Variants in RAB28 observed in about 807,000 individuals in gnomAD.
RAB28 encodes the protein RAB28, member RAS oncogene family, also known as ras-related protein Rab-28.
A neutral mutation model predicts 31.7 loss-of-function variants in RAB28; 24 were observed. That is an observed-to-expected ratio of 0.76 (90% CI 0.55 to 1.06). RAB28 has a LOEUF of 1.06. Among genes scored for constraint, RAB28 ranks in the 50% least tolerant of loss-of-function variants. The pLI, the probability that RAB28 is intolerant of heterozygous loss-of-function variation, is 0.00. For missense variants in RAB28, 254 were observed against 258.5 expected (o/e 0.98, Z 0.12); for synonymous variants, 100 against 90.4 (o/e 1.11, Z -0.60).
At chr4:13,482,953 G>C (rs1716678452) in intron 1 of RAB28, among the ~76,000 whole-genome samples, 1 of 152,200 alleles carries the variant, frequency 6.6e-6, no homozygotes, top group African/African-American at 2.4e-5. Flanking sequence ...AATGCAACCA[G>C]CAACAGGGAA....
In RAB28 at chr4:13,479,512, C is replaced by T. The variant is rs201161632; in HGVS notation, c.90G>A (p.Thr30=). 2.2e-5 allele frequency: 35 copies of T among 1,603,536 alleles called. No homozygotes were observed. The highest frequency in any genetic ancestry group is 1.7e-4 in the South Asian group (15 of 90,456). The change falls in exon 2 of 7, where the codon ACG becomes ACA. Residue 30 remains threonine, a synonymous_variant. Transcript: ENST00000330852. ...TCCCAAAAGTTTCTTGAGCAAAACACGTAGTTAAGGAGGTCTAAAAAATTG... is the reference window on the plus strand; with the variant it reads ...TCCCAAAAGTTTCTTGAGCAAAACATGTAGTTAAGGAGGTCTAAAAAATTG... ...DGASGKTSLT[T]CFAQETFGKQ... is the part of the protein sequence containing the mutation.
chr4:13,385,233 T>C (rs185348161), intron 4 of RAB28, among the ~76,000 whole-genome samples: 1 of 152,296 alleles, frequency 6.6e-6, no homozygotes, highest in East Asian at 1.9e-4. Context: ...CTCATTGGTG[T>C]CCCTGAAACA....
intron 4 of RAB28, among the ~76,000 whole-genome samples, chr4:13,443,382 C>CA (rs113182752): frequency 0.056 from 8,525 of 152,132 alleles, 546 homozygotes; most frequent in African/African-American, 0.16. Context: ...CCATGTTGGC[C>CA]AGGATGGTCT....
chr4:13,387,675 A>T (rs1170717989), intron 4 of RAB28, among the ~76,000 whole-genome samples: 1 of 152,068 alleles, frequency 6.6e-6, no homozygotes, highest in Non-Finnish European at 1.5e-5. Flanking sequence ...TCAACAATGA[A>T]ATCTGAAGAA....
chr4:13,406,746 T>C (rs1029034793), intron 4 of RAB28, among the ~76,000 whole-genome samples: 1 of 152,262 alleles, frequency 6.6e-6, no homozygotes, highest in Non-Finnish European at 1.5e-5. Flanking sequence ...ATTTCTCTAA[T>C]GACCAGTGAT....
chr4:13,459,393 C>T (rs1715472122), intron 4 of RAB28, among the ~76,000 whole-genome samples: 1 of 152,166 alleles, frequency 6.6e-6, no homozygotes, highest in African/African-American at 2.4e-5. Context: ...TGCCCCTCTA[C>T]AGAACCCTAA....
At chr4:13,459,951 T>C (rs1270083994) in intron 4 of RAB28, 1 of 1,262,986 alleles carries the variant, frequency 7.9e-7, no homozygotes, top group East Asian at 5.6e-5. Context: ...ACACACACTG[T>C]CAGAACTAAA....
At chr4:13,470,985 C>G (rs1716091456) in intron 3 of RAB28, among the ~76,000 whole-genome samples, 1 of 152,080 alleles carries the variant, frequency 6.6e-6, no homozygotes, top group African/African-American at 2.4e-5. Flanking sequence ...ATATAAGCTT[C>G]TACGCAGATG....
chr4:13,474,409 A>G lies in RAB28; in HGVS notation c.173-3T>C. 6.6e-7 allele frequency: 1 copy of G among 1,523,590 alleles called. No homozygotes were observed. The highest frequency in any genetic ancestry group is 9.0e-7 in the Non-Finnish European group (1 of 1,115,368). 94.4% of individuals were successfully genotyped at this position (1,523,590 alleles called of 1,614,324 possible). A position where few individuals can be genotyped will look rare whatever the true frequency, so the allele number is the denominator to read the frequency against. The stretch of plus-strand genomic sequence containing the variant: ...TTGAAGGGTAACATTCAAGTTTCCT[A>G]GAATATAAAAAATGAATATAAAAAT... On this transcript the variant is annotated splice_region_variant and splice_polypyrimidine_tract_variant and intron_variant, in intron 2 of 6. Transcript: ENST00000330852.
intron 4 of RAB28, among the ~76,000 whole-genome samples, chr4:13,434,554 CTT>C (rs1319450474): frequency 1.6e-4 from 25 of 152,144 alleles, no homozygotes; most frequent in African/African-American, 6.0e-4. Context: ...AAATTAGACT[CTT>C]GGCATAGTCT....
chr4:13,409,332 T>C (rs1204848765), intron 4 of RAB28, among the ~76,000 whole-genome samples: 3 of 152,198 alleles, frequency 2.0e-5, no homozygotes, highest in African/African-American at 4.8e-5. Context: ...AGGCGGTACA[T>C]TATAATTGAT....
intron 4 of RAB28, among the ~76,000 whole-genome samples, chr4:13,433,216 CAA>C (rs981295535): frequency 7.4e-6 from 1 of 134,730 alleles, no homozygotes. Flanking sequence ...AACAACAGTT[CAA>C]AAAAAAAAAG....
At chr4:13,461,674 T>C (rs1446087354) in intron 3 of RAB28, among the ~76,000 whole-genome samples, 1 of 152,236 alleles carries the variant, frequency 6.6e-6, no homozygotes, top group African/African-American at 2.4e-5. Flanking sequence ...TATCTCATTA[T>C]TTTGTGTGGG....
At chr4:13,438,984 C>T (rs1714274456) in intron 4 of RAB28, among the ~76,000 whole-genome samples, 1 of 152,106 alleles carries the variant, frequency 6.6e-6, no homozygotes, top group Non-Finnish European at 1.5e-5. Context: ...CTGGGTGTGA[C>T]ATGTTGTCTT....
At chr4:13,477,746 G>A (rs996006199) in intron 2 of RAB28, among the ~76,000 whole-genome samples, 2 of 151,096 alleles carry the variant, frequency 1.3e-5, no homozygotes, top group African/African-American at 4.8e-5. Context: ...ATGCCCTAAT[G>A]TCATTTTTTA....
chr4:13,474,931 C>T (rs1215958371), intron 2 of RAB28, among the ~76,000 whole-genome samples: 2 of 151,580 alleles, frequency 1.3e-5, no homozygotes, highest in African/African-American at 2.4e-5. Context: ...TTGTCAGCTA[C>T]TATCGGATAT....
At chr4:13,410,699 G>GA (rs1434098454) in intron 4 of RAB28, among the ~76,000 whole-genome samples, 1 of 151,980 alleles carries the variant, frequency 6.6e-6, no homozygotes, top group Non-Finnish European at 1.5e-5. Context: ...CAATGCAAAA[G>GA]AAAAAACTGT....
At chr4:13,394,659 T>C (rs1246938703) in intron 4 of RAB28, among the ~76,000 whole-genome samples, 1 of 151,838 alleles carries the variant, frequency 6.6e-6, no homozygotes, top group Non-Finnish European at 1.5e-5. Flanking sequence ...AAAGACGGAG[T>C]ACAATTGAGG....
intron 6 of RAB28, 88 bp downstream of exon 6, chr4:13,376,456 AG>A (rs1165882274): frequency 2.4e-5 from 20 of 830,960 alleles, no homozygotes; most frequent in Non-Finnish European, 3.8e-5. Flanking sequence ...CGTACACAGA[AG>A]GCATAAATGG....
Sources: gnomAD v4.1 joint callset for allele counts (sites outside exome capture counted in the v4.1 genomes callset) on GRCh38, gnomAD v4.1.1 for gene constraint, MANE v1.5 for transcripts, NCBI Gene and HGNC (gene_info 2026-07-23, HGNC 2026-07-21) for gene names.